Variants in RGL1 observed in about 807,000 individuals in gnomAD.
The protein encoded by RGL1 is ral guanine nucleotide dissociation stimulator-like 1.
RGL1 carries 24 observed loss-of-function variants against 95.2 expected under a neutral mutation model. The ratio of observed to expected loss-of-function variants is 0.25; its 90% confidence interval spans 0.18 to 0.35. RGL1 has a LOEUF of 0.35. Ranked by LOEUF, RGL1 falls within the 10% of genes least tolerant of loss-of-function variation. The pLI is 1.00. For missense variants in RGL1, 715 were observed against 936.3 expected, an observed-to-expected ratio of 0.76 and a Z score of 3.08; for synonymous variants, 329 against 344.9, an observed-to-expected ratio of 0.95 and a Z score of 0.51.
At chr1:183,692,872 A>G (rs1329950206) in intron 1 of RGL1, among the ~76,000 whole-genome samples, 1 of 152,182 alleles carries the variant, frequency 6.6e-6, no homozygotes, top group South Asian at 2.1e-4. Context: ...ATTAAAATTC[A>G]TAGAATCATC....
intron 1 of RGL1, among the ~76,000 whole-genome samples, chr1:183,695,744 AAC>A (rs1429251755): frequency 1.3e-5 from 2 of 152,238 alleles, no homozygotes; most frequent in Non-Finnish European, 2.9e-5. Context: ...GGTTTCTAAT[AAC>A]TACTTATCTT....
At chr1:183,903,233 A>G (rs1173116005) in intron 12 of RGL1, among the ~76,000 whole-genome samples, 1 of 151,966 alleles carries the variant, frequency 6.6e-6, no homozygotes, top group Admixed American at 6.5e-5. Flanking sequence ...AAGATGGTAA[A>G]CTCTCGTGGG....
At chr1:183,637,942 A>T (rs1649663089) in intron 1 of RGL1, among the ~76,000 whole-genome samples, 1 of 152,186 alleles carries the variant, frequency 6.6e-6, no homozygotes, top group Non-Finnish European at 1.5e-5. Context: ...ACTTTAGTAG[A>T]TGCTAATCAG....
chr1:183,768,119 T>C (rs1053344677), intron 2 of RGL1, among the ~76,000 whole-genome samples: 2 of 152,030 alleles, frequency 1.3e-5, no homozygotes, highest in Non-Finnish European at 2.9e-5. Flanking sequence ...CCGTCTTCTC[T>C]GTATGTGCAT....
intron 3 of RGL1, among the ~76,000 whole-genome samples, chr1:183,861,552 A>C (rs1341224794): frequency 6.6e-6 from 1 of 152,248 alleles, no homozygotes; most frequent in Non-Finnish European, 1.5e-5. Flanking sequence ...AGGCTGCAGT[A>C]AATAATTGCT....
intron 2 of RGL1, among the ~76,000 whole-genome samples, chr1:183,795,056 A>G (rs537428295): frequency 1.8e-3 from 280 of 152,268 alleles, no homozygotes; most frequent in Non-Finnish European, 3.3e-3. Flanking sequence ...TTTTTTTGAG[A>G]CAGGGTCTTG....
chr1:183,894,669 G>A (rs528283405), intron 9 of RGL1, among the ~76,000 whole-genome samples: 1 of 152,176 alleles, frequency 6.6e-6, no homozygotes, highest in East Asian at 1.9e-4. Context: ...CGGATTTATG[G>A]TTGGGTAACA....
Position 183,888,677 on chromosome 1 carries a change from CAT to C in RGL1, c.1055+103_1055+104del, listed in dbSNP as rs1470374746. 4 of 737,614 alleles carry C rather than the reference CAT, an allele frequency of 5.4e-6. No homozygotes were observed. The Admixed American group carries it at 8.8e-5, about 16-fold the overall frequency. 45.7% of individuals were successfully genotyped at this position (737,614 alleles called of 1,614,324 possible). ...AGCTTGTATCGCATAACTAGAGAAA[CAT>C]ATTTGAAATCCTCTGTGTGTTTCAG... On this transcript the variant is annotated intron_variant, in intron 8 of 17. Transcript: ENST00000360851.
At chr1:183,884,981 A>G (rs767676959) in intron 7 of RGL1, 43 bp downstream of exon 7, 1 of 1,519,770 alleles carries the variant, frequency 6.6e-7, no homozygotes, top group Admixed American at 1.7e-5. Context: ...TGGTAGATGC[A>G]AGAGACTGCT....
At chr1:183,815,952 C>G (rs1349918858) in intron 2 of RGL1, among the ~76,000 whole-genome samples, 1 of 152,002 alleles carries the variant, frequency 6.6e-6, no homozygotes. Context: ...ATATGTAACC[C>G]CAGGTTGCTT....
intron 5 of RGL1, among the ~76,000 whole-genome samples, chr1:183,882,574 G>A (rs921451889): frequency 1.2e-4 from 19 of 152,114 alleles, no homozygotes; most frequent in African/African-American, 3.4e-4. Flanking sequence ...TGTTTGTGTC[G>A]CAGACTCCGG....
chr1:183,868,951 C>T (rs1665999635), intron 4 of RGL1, among the ~76,000 whole-genome samples: 1 of 152,052 alleles, frequency 6.6e-6, no homozygotes, highest in African/African-American at 2.4e-5. Flanking sequence ...TCTGTCTCTA[C>T]AAAAATTTTT....
chr1:183,705,520 G>A (rs1654859374), intron 1 of RGL1, among the ~76,000 whole-genome samples: 3 of 152,142 alleles, frequency 2.0e-5, no homozygotes, highest in Admixed American at 6.5e-5. Flanking sequence ...CAAAAAGGTG[G>A]GGGCTGTCTC....
At chr1:183,678,993 G>T (rs1313381458) in intron 1 of RGL1, among the ~76,000 whole-genome samples, 1 of 152,204 alleles carries the variant, frequency 6.6e-6, no homozygotes, top group Non-Finnish European at 1.5e-5. Flanking sequence ...GGAGACGTGA[G>T]TACCAAAGTG....
chr1:183,711,468 G>T (rs1262871178), intron 1 of RGL1, among the ~76,000 whole-genome samples: 1 of 152,140 alleles, frequency 6.6e-6, no homozygotes, highest in Admixed American at 6.5e-5. Flanking sequence ...AGGAGGTGTT[G>T]GGGGGTGAGG....
chr1:183,711,363 C>T (rs1467721100), intron 1 of RGL1, among the ~76,000 whole-genome samples: 2 of 152,144 alleles, frequency 1.3e-5, no homozygotes, highest in African/African-American at 4.8e-5. Context: ...CAATGACATT[C>T]AGCCCATGGA....
chr1:183,837,803 T>C (rs1474675678), intron 2 of RGL1, among the ~76,000 whole-genome samples: 1 of 152,214 alleles, frequency 6.6e-6, no homozygotes, highest in Non-Finnish European at 1.5e-5. Flanking sequence ...CGTTTCAGGA[T>C]GAAACTGTTT....
In RGL1 at chr1:183,904,841, C is replaced by A. The variant is rs1177333928; in HGVS notation, c.1351-9C>A. 1.9e-6 allele frequency: 3 copies of A among 1,584,940 alleles called. No individual in the cohort carries two copies. Among genetic ancestry groups the A allele is most frequent in the South Asian group, 1.2e-5 (1 of 84,808 alleles). ...TTTTTTTTAATTTTTGGTATTCTGT[C>A]TGCTTTAGGAATTTGAAGTGATTGC... On this transcript the variant is annotated splice_polypyrimidine_tract_variant and intron_variant, in intron 12 of 17. Coordinates refer to ENST00000360851, the MANE Select transcript of RGL1 (RefSeq NM_001297671.3).
chr1:183,653,520 C>T (rs1257829281), intron 1 of RGL1, among the ~76,000 whole-genome samples: 2 of 152,218 alleles, frequency 1.3e-5, no homozygotes, highest in Admixed American at 6.5e-5. Flanking sequence ...GAATCAAGTT[C>T]TGAGGGCCTG....
Sources: allele counts gnomAD v4.1 joint callset (sites outside exome capture counted in the v4.1 genomes callset), GRCh38; gene constraint gnomAD v4.1.1; transcripts MANE v1.5; gene names NCBI Gene and HGNC (gene_info 2026-07-23, HGNC 2026-07-21).